TMEM132D: variants seen among roughly 807,000 people sequenced by gnomAD.
TMEM132D encodes the protein transmembrane protein 132D.
Under a neutral mutation model 62.3 loss-of-function variants are expected in TMEM132D, and 21 were observed. The ratio of observed to expected loss-of-function variants is 0.34; its 90% CI spans 0.24 to 0.49. The LOEUF (loss-of-function observed/expected upper bound fraction) is 0.49, where lower values mean the gene tolerates loss of function less well. TMEM132D is among the 20% of genes least tolerant of loss of function. The probability of loss-of-function intolerance (pLI) is 0.99; values close to 1 mark genes in which losing one functional copy is unlikely to be tolerated. For missense variants in TMEM132D, 1,346 were observed against 1,402.8 expected, an observed-to-expected ratio of 0.96 and a Z score of 0.65; for synonymous variants, 621 against 575.6, an observed-to-expected ratio of 1.08 and a Z score of -1.13.
rs79960449 is a variant in TMEM132D at position 129,665,198 on chromosome 12, G to C, written c.968+34612C>G. 1.7e-3 allele frequency among the ~76,000 whole-genome samples: 253 copies of C among 150,970 alleles called. 1 individual carries two copies. The highest frequency in any genetic ancestry group is 5.4e-3 in the African/African-American group (218 of 40,700). On this transcript the variant is annotated intron_variant, in intron 2 of 8. Transcript: ENST00000422113. Reference sequence around the variant, plus strand: ...CCAGCTTGGTTGATGGGGAGCAGGTGGGGGGGGCATCTTGGGGGTGGCAAT... The same window carrying C: ...CCAGCTTGGTTGATGGGGAGCAGGTCGGGGGGGCATCTTGGGGGTGGCAAT...
intron 3 of TMEM132D, among the ~76,000 whole-genome samples, chr12:129,362,599 CT>C (rs58682404): frequency 0.12 from 18,767 of 151,778 alleles, 1,485 homozygotes; most frequent in Non-Finnish European, 0.18. Context: ...TGTTGGGAGT[CT>C]TTTTCTTATT....
At chr12:129,875,348 C>T (rs540367127) in intron 1 of TMEM132D, among the ~76,000 whole-genome samples, 12 of 152,320 alleles carry the variant, frequency 7.9e-5, no homozygotes, top group Admixed American at 3.3e-4. Flanking sequence ...CTTAACAAAC[C>T]GTCATAGACC....
At chr12:129,305,466 C>CATAATTTGCATAAGTTACATA (rs1444677630) in intron 4 of TMEM132D, among the ~76,000 whole-genome samples, 74 of 152,234 alleles carry the variant, frequency 4.9e-4, no homozygotes, top group Non-Finnish European at 7.8e-4. Flanking sequence ...GTATTAGTTA[C>CATAATTTGCATAAGTTACATA]AATGCAAAGG....
intron 3 of TMEM132D, among the ~76,000 whole-genome samples, chr12:129,473,063 C>T (rs965313829): frequency 3.3e-5 from 5 of 152,146 alleles, no homozygotes; most frequent in South Asian, 2.1e-4. Context: ...AGGGGTTTCA[C>T]CATGTTGGTC....
chr12:129,553,471 T>C (rs949344440), intron 2 of TMEM132D, among the ~76,000 whole-genome samples: 11 of 152,202 alleles, frequency 7.2e-5, no homozygotes, highest in African/African-American at 2.7e-4. Flanking sequence ...GGAAACACTG[T>C]ACGTCTGTGC....
chr12:129,231,126 G>A (rs1409802079), intron 4 of TMEM132D, among the ~76,000 whole-genome samples: 1 of 152,182 alleles, frequency 6.6e-6, no homozygotes, highest in African/African-American at 2.4e-5. Context: ...ATAACCTTTA[G>A]AAGGGCAGGT....
intron 4 of TMEM132D, among the ~76,000 whole-genome samples, chr12:129,318,999 C>T (rs369447111): frequency 2.0e-5 from 3 of 152,076 alleles, no homozygotes; most frequent in East Asian, 1.9e-4. Flanking sequence ...TGTCTCCAGG[C>T]GGAGGGTGAG....
At chr12:129,587,241 G>A (rs1878056902) in intron 2 of TMEM132D, among the ~76,000 whole-genome samples, 1 of 152,112 alleles carries the variant, frequency 6.6e-6, no homozygotes, top group Non-Finnish European at 1.5e-5. Flanking sequence ...CCTTTACAGG[G>A]ACATGGATGG....
At chr12:129,299,601 A>T (rs894518954) in intron 4 of TMEM132D, among the ~76,000 whole-genome samples, 1 of 150,428 alleles carries the variant, frequency 6.6e-6, no homozygotes, top group Non-Finnish European at 1.5e-5. Flanking sequence ...CCCACCTCTC[A>T]TCAAACTGGA....
At chr12:129,256,865 T>C (rs1328606207) in intron 4 of TMEM132D, among the ~76,000 whole-genome samples, 1 of 151,936 alleles carries the variant, frequency 6.6e-6, no homozygotes, top group East Asian at 1.9e-4. Context: ...CCGGCCTGTT[T>C]ATATTGTTTA....
intron 2 of TMEM132D, among the ~76,000 whole-genome samples, chr12:129,688,022 G>A (rs1880973217): frequency 6.6e-6 from 1 of 152,172 alleles, no homozygotes; most frequent in Admixed American, 6.5e-5. Flanking sequence ...AAATGTGTGT[G>A]AAGCCATAAG....
intron 1 of TMEM132D, among the ~76,000 whole-genome samples, chr12:129,862,986 G>T (rs931643080): frequency 6.6e-6 from 1 of 152,168 alleles, no homozygotes; most frequent in Admixed American, 6.5e-5. Flanking sequence ...CTCAGCGAGG[G>T]AGGGATTCCA....
chr12:129,705,530 C>A (rs1881485201), intron 1 of TMEM132D, among the ~76,000 whole-genome samples: 1 of 152,074 alleles, frequency 6.6e-6, no homozygotes, highest in Admixed American at 6.5e-5. Context: ...TCTAACTGAA[C>A]AATTATCTAA....
At chr12:129,665,505 C>CTT (rs566219788) in intron 2 of TMEM132D, among the ~76,000 whole-genome samples, 1 of 148,214 alleles carries the variant, frequency 6.7e-6, no homozygotes, top group Admixed American at 6.8e-5. Flanking sequence ...GGCTTCTAGG[C>CTT]TTTTTTTTTT....
At chr12:129,465,339 CAT>C (rs1431390462) in intron 3 of TMEM132D, among the ~76,000 whole-genome samples, 2 of 152,144 alleles carry the variant, frequency 1.3e-5, no homozygotes, top group African/African-American at 2.4e-5. Flanking sequence ...CAGCCAATAT[CAT>C]ATTGAATGGA....
At chr12:129,795,034 G>T (rs1359344182) in intron 1 of TMEM132D, among the ~76,000 whole-genome samples, 2 of 152,118 alleles carry the variant, frequency 1.3e-5, no homozygotes, top group African/African-American at 4.8e-5. Flanking sequence ...AATTGTGTGT[G>T]TATTGCTTTA....
intron 5 of TMEM132D, among the ~76,000 whole-genome samples, chr12:129,090,130 G>A (rs1037283216): frequency 2.6e-5 from 4 of 152,204 alleles, no homozygotes; most frequent in Admixed American, 6.5e-5. Flanking sequence ...GAGGAGAAAC[G>A]TGGGCCCAGG....
At chr12:129,317,714 C>T (rs1868531434) in intron 4 of TMEM132D, among the ~76,000 whole-genome samples, 1 of 152,182 alleles carries the variant, frequency 6.6e-6, no homozygotes, top group Non-Finnish European at 1.5e-5. Context: ...GGAAGTTTTC[C>T]TCAATTTTCC....
chr12:129,107,801 C>T (rs1875549190), intron 5 of TMEM132D, among the ~76,000 whole-genome samples: 1 of 152,104 alleles, frequency 6.6e-6, no homozygotes, highest in Non-Finnish European at 1.5e-5. Context: ...ATACCCCCAC[C>T]TCATCCTCCT....
Sources: allele counts gnomAD v4.1 joint callset (sites outside exome capture counted in the v4.1 genomes callset), GRCh38; gene constraint gnomAD v4.1.1; transcripts MANE v1.5; gene names NCBI Gene and HGNC (gene_info 2026-07-23, HGNC 2026-07-21).